MYT1L: variants seen among roughly 807,000 people sequenced by gnomAD.
The protein encoded by MYT1L is myelin transcription factor 1-like protein.
In MYT1L, 12 loss-of-function variants were observed where a neutral mutation model predicts 126.7. The ratio of observed to expected loss-of-function variants is 0.09; its 90% CI spans 0.06 to 0.15. The LOEUF (loss-of-function observed/expected upper bound fraction) is 0.15, where lower values mean the gene tolerates loss of function less well. Ranked by LOEUF, MYT1L falls within the 10% of genes least tolerant of loss-of-function variation. The pLI, the probability that MYT1L is intolerant of heterozygous loss-of-function variation, is 1.00. For missense variants in MYT1L, 979 were observed against 1,585.2 expected, an observed-to-expected ratio of 0.62 and a Z score of 6.49; for synonymous variants, 541 against 604.2, an observed-to-expected ratio of 0.90 and a Z score of 1.53.
In MYT1L at chr2:2,327,376, CTT is replaced by C. The variant is rs534367663; in HGVS notation, c.-521+3589_-521+3590del. On this transcript the variant is annotated intron_variant, in intron 1 of 24. Transcript: ENST00000647738. Reference sequence around the variant, plus strand: ...TGGTACAGAATACAGTATGATGAAACTTAGCTTGGTGAAAAATATGTTATTTG... The same window carrying C: ...TGGTACAGAATACAGTATGATGAAACAGCTTGGTGAAAAATATGTTATTTG... Among the ~76,000 whole-genome samples the C allele has an allele frequency of 7.1e-4, 108 of 152,224 alleles. No homozygotes were observed. The South Asian group carries it at 9.3e-3, about 13-fold the overall frequency.
intron 18 of MYT1L, among the ~76,000 whole-genome samples, chr2:1,859,518 T>C (rs779609344): frequency 6.6e-6 from 1 of 152,218 alleles, no homozygotes; most frequent in Admixed American, 6.5e-5. Context: ...GCCTTGTGGC[T>C]GAGAGTGTGC....
chr2:2,185,751 C>G, intron 2 of MYT1L, among the ~76,000 whole-genome samples: 1 of 138,472 alleles, frequency 7.2e-6, no homozygotes. Flanking sequence ...GCCGGGCCTC[C>G]CAGACGCCCG....
At chr2:2,162,093 C>T (rs1217939736) in intron 3 of MYT1L, among the ~76,000 whole-genome samples, 1 of 152,182 alleles carries the variant, frequency 6.6e-6, no homozygotes, top group Non-Finnish European at 1.5e-5. Context: ...CTGCAGGAAA[C>T]ACAAATGAAT....
intron 14 of MYT1L, among the ~76,000 whole-genome samples, chr2:1,899,303 A>ACCCTATGC (rs2050040304): frequency 6.6e-6 from 1 of 152,274 alleles, no homozygotes; most frequent in Admixed American, 6.5e-5. Context: ...TGCCAACGGC[A>ACCCTATGC]CCCTATGCAT....
chr2:2,131,817 GCA>G (rs944441846), intron 3 of MYT1L, among the ~76,000 whole-genome samples: 9 of 151,644 alleles, frequency 5.9e-5, no homozygotes, highest in African/African-American at 2.2e-4. Flanking sequence ...ACTCTGTGCT[GCA>G]CAGAGACTAC....
intron 19 of MYT1L, 82 bp downstream of exon 19, chr2:1,851,549 ACTTCGCAAGG>A (rs1488409317): frequency 6.9e-5 from 90 of 1,307,720 alleles, no homozygotes; most frequent in Non-Finnish European, 9.4e-5. Context: ...ATGGTGTCAA[ACTTCGCAAGG>A]CTTGGAGCCT....
chr2:2,109,923 A>ATATG (rs2079224842), intron 3 of MYT1L, among the ~76,000 whole-genome samples: 1 of 119,502 alleles, frequency 8.4e-6, no homozygotes, highest in African/African-American at 3.2e-5. Flanking sequence ...ATATATATAT[A>ATATG]TCCCTTTCAG....
intron 18 of MYT1L, among the ~76,000 whole-genome samples, chr2:1,868,733 C>T (rs952867976): frequency 7.9e-5 from 12 of 152,302 alleles, no homozygotes; most frequent in African/African-American, 2.4e-4. Flanking sequence ...TGCAGACGAG[C>T]GTTGCTATGG....
At chr2:2,191,475 C>T (rs1229475100) in intron 2 of MYT1L, among the ~76,000 whole-genome samples, 1 of 152,172 alleles carries the variant, frequency 6.6e-6, no homozygotes, top group African/African-American at 2.4e-5. Context: ...GGGTGCCAAC[C>T]CGAAGCCGCC....
At chr2:2,170,926 G>A (rs1185319479) in intron 3 of MYT1L, among the ~76,000 whole-genome samples, 1 of 152,186 alleles carries the variant, frequency 6.6e-6, no homozygotes, top group Non-Finnish European at 1.5e-5. Context: ...AGTGAGGACT[G>A]AGTGGAAAGA....
At chr2:2,032,747 C>T (rs2066487437) in intron 4 of MYT1L, among the ~76,000 whole-genome samples, 1 of 113,590 alleles carries the variant, frequency 8.8e-6, no homozygotes, top group Admixed American at 8.3e-5. Flanking sequence ...ACACCCGTCG[C>T]CAGTGCCTCT....
rs529801623 is a variant in MYT1L, at chr2:1,803,150, GA to G, written c.3173-1352del. On this transcript the variant is annotated intron_variant, in intron 22 of 24. Transcript: ENST00000647738. Reference sequence around the variant, plus strand: ...CCTTAGATGCGGCTTTTAGTGAAACGAAAAAAAAGTTATACCCTCAAGATAA... The same window carrying G: ...CCTTAGATGCGGCTTTTAGTGAAACGAAAAAAAGTTATACCCTCAAGATAA... Among the ~76,000 whole-genome samples, 33 of 151,648 alleles carry G rather than the reference GA, an allele frequency of 2.2e-4. 1 individual carries two copies. The South Asian group carries it at 5.0e-3, about 23-fold the overall frequency.
At chr2:2,049,790 T>G (rs1184255559) in intron 4 of MYT1L, among the ~76,000 whole-genome samples, 1 of 152,198 alleles carries the variant, frequency 6.6e-6, no homozygotes, top group Middle Eastern at 3.2e-3. Flanking sequence ...ATTTCTCTCT[T>G]GCCTGCCGCC....
chr2:1,826,524 A>C (rs1178292891), intron 21 of MYT1L, among the ~76,000 whole-genome samples: 2 of 152,010 alleles, frequency 1.3e-5, no homozygotes, highest in Admixed American at 1.3e-4. Context: ...TGCTATTCAC[A>C]GGGCCCTTTG....
chr2:1,861,963 A>C (rs974259095), intron 18 of MYT1L, among the ~76,000 whole-genome samples: 1 of 152,282 alleles, frequency 6.6e-6, no homozygotes, highest in Admixed American at 6.5e-5. Context: ...AGCCTGTGTA[A>C]TCCTGGATCT....
chr2:1,888,533 T>C (rs907545466), intron 16 of MYT1L, among the ~76,000 whole-genome samples: 3 of 152,246 alleles, frequency 2.0e-5, no homozygotes, highest in East Asian at 1.9e-4. Context: ...GGTCTCTCTA[T>C]TGTACTAAAA....
chr2:2,076,610 G>C (rs1375898405), intron 3 of MYT1L, among the ~76,000 whole-genome samples: 3 of 152,110 alleles, frequency 2.0e-5, no homozygotes, highest in Non-Finnish European at 2.9e-5. Context: ...AGAATCTCCA[G>C]AATTTTACCA....
At chr2:1,834,889 G>A (rs2040651557) in intron 21 of MYT1L, among the ~76,000 whole-genome samples, 1 of 141,324 alleles carries the variant, frequency 7.1e-6, no homozygotes, top group South Asian at 2.2e-4. Context: ...ATACCATGGG[G>A]ATGGATACAG....
At chr2:1,911,997 C>A in intron 12 of MYT1L, 23 bp downstream of exon 12, 1 of 1,561,708 alleles carries the variant, frequency 6.4e-7, no homozygotes, top group Non-Finnish European at 8.7e-7. Flanking sequence ...CCCTCCCACA[C>A]CAGTGACCCA....
Sources: allele counts gnomAD v4.1 joint callset (sites outside exome capture counted in the v4.1 genomes callset), GRCh38; gene constraint gnomAD v4.1.1; transcripts MANE v1.5; gene names NCBI Gene and HGNC (gene_info 2026-07-23, HGNC 2026-07-21).